EPSTI1: variants seen among roughly 807,000 people sequenced by gnomAD.
EPSTI1 encodes epithelial-stromal interaction protein 1.
Under a neutral mutation model 49.9 loss-of-function variants are expected in EPSTI1, and 66 were observed. The ratio of observed to expected loss-of-function variants is 1.32; its 90% CI spans 1.08 to 1.62. The LOEUF is 1.62. Among genes scored for constraint, EPSTI1 ranks in the 40% most tolerant of loss-of-function variants. EPSTI1 has a pLI of 0.00. For synonymous variants in EPSTI1, 137 were observed against 130.7 expected (o/e 1.05, Z -0.33); for missense variants, 394 against 365.5 (o/e 1.08, Z -0.64).
chr13:42,904,078 G>C (rs924800061), intron 8 of EPSTI1, among the ~76,000 whole-genome samples: 1 of 152,148 alleles, frequency 6.6e-6, no homozygotes, highest in African/African-American at 2.4e-5. Flanking sequence ...TGAGATCTTT[G>C]CTCCTTTAGA....
chr13:42,962,006 C>T (rs1393439422), intron 5 of EPSTI1, among the ~76,000 whole-genome samples: 1 of 152,200 alleles, frequency 6.6e-6, no homozygotes, highest in Non-Finnish European at 1.5e-5. Flanking sequence ...TATGTCATTT[C>T]TAGATGGCTA....
chr13:42,972,014 T>C (rs993664903), intron 1 of EPSTI1, among the ~76,000 whole-genome samples: 8 of 152,238 alleles, frequency 5.3e-5, no homozygotes, highest in Non-Finnish European at 1.0e-4. Context: ...TTTTCACTTC[T>C]GAATTGCCAG....
At chr13:42,966,763 C>G (rs1211775246) in intron 3 of EPSTI1, among the ~76,000 whole-genome samples, 1 of 90,294 alleles carries the variant, frequency 1.1e-5, no homozygotes, top group African/African-American at 3.4e-5. Flanking sequence ...CGGCCACCAC[C>G]CCGTCTGGGA....
chr13:42,940,917 T>A (rs1043906810), intron 6 of EPSTI1, among the ~76,000 whole-genome samples: 2 of 152,236 alleles, frequency 1.3e-5, no homozygotes, highest in African/African-American at 4.8e-5. Context: ...TTTGCCAATT[T>A]TTGAGTTGTT....
intron 5 of EPSTI1, among the ~76,000 whole-genome samples, chr13:42,955,091 A>G (rs554870578): frequency 1.8e-4 from 28 of 152,358 alleles, no homozygotes; most frequent in African/African-American, 6.3e-4. Flanking sequence ...GAAATTTACT[A>G]CAGTCAAAGA....
At chr13:42,930,385 A>C (rs1374660253) in intron 6 of EPSTI1, among the ~76,000 whole-genome samples, 1 of 152,228 alleles carries the variant, frequency 6.6e-6, no homozygotes, top group African/African-American at 2.4e-5. Flanking sequence ...AATCTAAAGA[A>C]GTATTATTTT....
chr13:42,909,796 T>A lies in EPSTI1; in HGVS notation c.741+7745A>T, dbSNP rs896422444. On this transcript the variant is annotated intron_variant, in intron 8 of 10. Transcript: ENST00000313624. ...GGGGGGTTAGGAGGAAATGGTGAAGTACAGGGAGATATTGGTCAAAGGATA... is the reference window on the plus strand; with the variant it reads ...GGGGGGTTAGGAGGAAATGGTGAAGAACAGGGAGATATTGGTCAAAGGATA... Among the ~76,000 whole-genome samples the A allele has an allele frequency of 2.0e-5, 3 of 152,040 alleles. No individual in the cohort carries two copies. In the East Asian group the frequency reaches 5.8e-4, roughly 29 times the overall value.
chr13:42,965,086 A>G (rs1208875566), intron 3 of EPSTI1, among the ~76,000 whole-genome samples: 1 of 152,194 alleles, frequency 6.6e-6, no homozygotes, highest in African/African-American at 2.4e-5. Context: ...TTTGACTGCT[A>G]TTGTGGGGGA....
At chr13:42,909,096 A>T (rs111789113) in intron 8 of EPSTI1, among the ~76,000 whole-genome samples, 2 of 150,258 alleles carry the variant, frequency 1.3e-5, no homozygotes, top group South Asian at 2.1e-4. Context: ...TCCATCTCAA[A>T]AATAATAACA....
chr13:42,942,940 G>A (rs1245777509), intron 6 of EPSTI1, among the ~76,000 whole-genome samples: 7 of 151,464 alleles, frequency 4.6e-5, no homozygotes, highest in African/African-American at 1.7e-4. Context: ...CACCCACCTC[G>A]GCCTCCCAAA....
rs368357668 is a variant in EPSTI1, at chr13:42,922,055, G to A, written c.657+4281C>T. ...ACAGAAGATATAACCAGAGTATACC[G>A]ACTGGCTTGGCAGTGAGAAAACGTG... On this transcript the variant is annotated intron_variant, in intron 7 of 10. Coordinates refer to ENST00000313624, the MANE Select transcript of EPSTI1 (RefSeq NM_033255.5). This position sits in a 1 kb window ranked among gnomAD's most constrained non-coding sequence, Gnocchi z 4.8. 1.4e-4 allele frequency among the ~76,000 whole-genome samples: 21 copies of A among 152,304 alleles called. 1 individual carries two copies. The South Asian group carries it at 3.9e-3, about 29-fold the overall frequency.
chr13:42,916,212 T>C (rs2037825197), intron 8 of EPSTI1, among the ~76,000 whole-genome samples: 1 of 151,802 alleles, frequency 6.6e-6, no homozygotes, highest in Non-Finnish European at 1.5e-5. Context: ...TACCATAACA[T>C]TGCCTATTTG....
rs553260222 is a variant in EPSTI1, at chr13:42,975,586, A to G, written c.189-4916T>C. ...AGAGGCATACACACCCAGGATCCCCATGGCTTACTGAGATATTGTAAATTC... is the reference window on the plus strand; with the variant it reads ...AGAGGCATACACACCCAGGATCCCCGTGGCTTACTGAGATATTGTAAATTC... On this transcript the variant is annotated intron_variant, in intron 1 of 10. Transcript: ENST00000313624. Among the ~76,000 whole-genome samples, 3 of 152,334 alleles carry G rather than the reference A, an allele frequency of 2.0e-5. No homozygotes were observed. The East Asian group carries it at 5.8e-4, about 29-fold the overall frequency.
intron 6 of EPSTI1, among the ~76,000 whole-genome samples, chr13:42,930,975 T>C (rs897123674): frequency 6.6e-6 from 1 of 152,214 alleles, no homozygotes; most frequent in African/African-American, 2.4e-5. Flanking sequence ...TAGACTACGT[T>C]TCCCAGCTCC....
At chr13:42,953,058 A>T (rs1488181615) in intron 6 of EPSTI1, among the ~76,000 whole-genome samples, 5 of 152,190 alleles carry the variant, frequency 3.3e-5, no homozygotes, top group Non-Finnish European at 7.3e-5. Flanking sequence ...TGGAGGGCCC[A>T]TTACTGGTTC....
In EPSTI1 at chr13:42,888,461, G is replaced by C. The variant is rs142443045; in HGVS notation, c.*33C>G. On this transcript the variant is annotated 3_prime_UTR_variant, in exon 11 of 11. Transcript: ENST00000313624. ...CATCTCATGAGGCTTTTCGAGGTCA[G>C]TTGATGAAGGCCAGATAGGAGTCAA... 7 of 1,614,032 alleles carry C rather than the reference G, an allele frequency of 4.3e-6. No individual in the cohort carries two copies. The South Asian group carries it at 5.5e-5, about 13-fold the overall frequency.
At chr13:42,888,551 C>T in intron 10 of EPSTI1, 49 bp from the exon 11 acceptor site, 1 of 1,560,354 alleles carries the variant, frequency 6.4e-7, no homozygotes, top group East Asian at 2.3e-5. Flanking sequence ...AAATAAAATT[C>T]AAAGCCTTTG....
At position 42,953,251 on chromosome 13, in the gene EPSTI1, G is replaced by GA. The variant is rs11355319; in HGVS notation, c.563+696dup. Among the ~76,000 whole-genome samples, 83 of 143,530 alleles carry GA rather than the reference G, an allele frequency of 5.8e-4. 1 individual carries two copies. Among genetic ancestry groups the GA allele is most frequent in the African/African-American group, 9.8e-4 (38 of 38,908 alleles). The allele number at this position is 143,530 out of a possible 152,430, so 94.2% of individuals were successfully genotyped here. A position where few individuals can be genotyped will look rare whatever the true frequency, so the allele number is the denominator to read the frequency against. The stretch of plus-strand genomic sequence containing the variant: ...TAAGATAGATATTATCTGTATTTAA[G>GA]AAAAAAAAAAAAAAAACACTGACAT... On this transcript the variant is annotated intron_variant, in intron 6 of 10. Coordinates refer to ENST00000313624, the MANE Select transcript of EPSTI1 (RefSeq NM_033255.5).
chr13:42,891,722 C>T (rs1386848106), intron 10 of EPSTI1, among the ~76,000 whole-genome samples: 1 of 152,122 alleles, frequency 6.6e-6, no homozygotes, highest in Non-Finnish European at 1.5e-5. Context: ...GAATCACAAC[C>T]ACTTGTTTCC....
Sources: gnomAD v4.1 joint callset for allele counts (sites outside exome capture counted in the v4.1 genomes callset) on GRCh38, gnomAD v4.1.1 for gene constraint, Gnocchi (gnomAD v3.1) non-coding constraint, MANE v1.5 for transcripts, NCBI Gene and HGNC (gene_info 2026-07-23, HGNC 2026-07-21) for gene names.